The following CCDC150 variants were observed in gnomAD, a reference collection of about 807,000 sequenced individuals.
CCDC150 encodes the protein coiled-coil domain containing 150.
In CCDC150, 151 loss-of-function variants were observed where a neutral mutation model predicts 156.5. That is an observed-to-expected ratio of 0.97 (90% CI 0.85 to 1.10). The LOEUF (loss-of-function observed/expected upper bound fraction) is 1.10, where lower values mean the gene tolerates loss of function less well. Among genes scored for constraint, CCDC150 ranks in the 50% least tolerant of loss-of-function variants. CCDC150 has a pLI of 0.00. For missense variants in CCDC150, 1,312 were observed against 1,268.1 expected, an observed-to-expected ratio of 1.03 and a Z score of -0.53; for synonymous variants, 452 against 429.4, an observed-to-expected ratio of 1.05 and a Z score of -0.65.
chr2:196,707,899 A>G (rs1371002685), intron 15 of CCDC150, among the ~76,000 whole-genome samples: 1 of 152,082 alleles, frequency 6.6e-6, no homozygotes, highest in Admixed American at 6.5e-5. Context: ...GTTCTTTTAC[A>G]TTTGCTGAGG....
chr2:196,698,679 A>G (rs980104828), intron 14 of CCDC150, among the ~76,000 whole-genome samples: 6 of 152,116 alleles, frequency 3.9e-5, no homozygotes, highest in Admixed American at 1.3e-4. Flanking sequence ...TTTGAATCGA[A>G]TTTTAAATAA....
At chr2:196,652,148 A>G (rs1293519791) in intron 2 of CCDC150, among the ~76,000 whole-genome samples, 1 of 152,166 alleles carries the variant, frequency 6.6e-6, no homozygotes, top group African/African-American at 2.4e-5. Context: ...CATCCAAACT[A>G]TATCATTCCA....
At chr2:196,729,004 T>C (rs568430854) in intron 22 of CCDC150, among the ~76,000 whole-genome samples, 189 bp from the exon 23 acceptor site, 1 of 152,340 alleles carries the variant, frequency 6.6e-6, no homozygotes, top group Admixed American at 6.5e-5. Context: ...TTTTGTTCTT[T>C]AGTGATAAAA....
At chr2:196,669,765 C>A in intron 7 of CCDC150, 68 bp from the exon 8 acceptor site, 1 of 1,037,020 alleles carries the variant, frequency 9.6e-7, no homozygotes, top group Non-Finnish European at 1.5e-6. Context: ...ATATTTAAAG[C>A]TTCTCACTAT....
chr2:196,656,503 A>C (rs1031986785), intron 2 of CCDC150, 130 bp from the exon 3 acceptor site: 1 of 654,618 alleles, frequency 1.5e-6, no homozygotes, highest in East Asian at 2.7e-5. Flanking sequence ...GAGAGTCAGA[A>C]GCCTGCCATG....
chr2:196,709,926 C>G (rs1279851993), intron 15 of CCDC150, among the ~76,000 whole-genome samples: 1 of 152,140 alleles, frequency 6.6e-6, no homozygotes, highest in African/African-American at 2.4e-5. Flanking sequence ...GTCAGTTGGC[C>G]CCTACTGGGA....
At chr2:196,711,958 A>T (rs550353204) in intron 15 of CCDC150, among the ~76,000 whole-genome samples, 187 bp from the exon 16 acceptor site, 1 of 150,790 alleles carries the variant, frequency 6.6e-6, no homozygotes, top group African/African-American at 2.4e-5. Context: ...AGTGTATATC[A>T]TTTTTTGCAT....
intron 19 of CCDC150, chr2:196,719,926 T>G: frequency 2.9e-6 from 1 of 350,656 alleles, no homozygotes; most frequent in East Asian, 6.1e-5. Context: ...CTAGCTGTAC[T>G]GTTGTTTTAC....
chr2:196,646,377 T>G lies in CCDC150; in HGVS notation c.49T>G (p.Ser17Ala), dbSNP rs758188490. The change falls in exon 2 of 28, where the codon TCT becomes GCT. Residue 17 changes from serine to alanine, a missense_variant. Physicochemically the swap from Ser to Ala is moderately conservative, Grantham distance 99. Transcript: ENST00000389175. Reference protein sequence around the residue: ...METTVSRPVLSPTHINATASE... With the variant: ...METTVSRPVLAPTHINATASE... The stretch of plus-strand genomic sequence containing the variant: ...AACTACAGTGTCCAGACCGGTCCTT[T>G]CTCCAACCCACATCAACGCTACAGC... 1 of 1,613,884 alleles carries G rather than the reference T, an allele frequency of 6.2e-7. No homozygotes were observed. The highest frequency in any genetic ancestry group is 2.2e-5 in the East Asian group (1 of 44,886).
At chr2:196,697,563 CTAAAATGTATTAT>C (rs1478368458) in intron 14 of CCDC150, among the ~76,000 whole-genome samples, 1 of 152,210 alleles carries the variant, frequency 6.6e-6, no homozygotes, top group African/African-American at 2.4e-5. Context: ...TAAAAATGAA[CTAAAATGTATTAT>C]TTCTTAAAAC....
At chr2:196,651,103 C>CA (rs1376526317) in intron 2 of CCDC150, among the ~76,000 whole-genome samples, 1 of 152,084 alleles carries the variant, frequency 6.6e-6, no homozygotes, top group African/African-American at 2.4e-5. Context: ...CTGAGGATTA[C>CA]AAAAAACACA....
chr2:196,699,001 T>TG (rs886208155), intron 14 of CCDC150, among the ~76,000 whole-genome samples: 27 of 152,356 alleles, frequency 1.8e-4, no homozygotes, highest in African/African-American at 6.0e-4. Flanking sequence ...TAAACTGTAA[T>TG]GTTACATTCA....
At chr2:196,667,042 A>C in intron 7 of CCDC150, 194 bp downstream of exon 7, 1 of 600,488 alleles carries the variant, frequency 1.7e-6, no homozygotes, top group Non-Finnish European at 2.9e-6. Flanking sequence ...AATATATTTG[A>C]CCCTGTTAAT....
chr2:196,728,669 A>G (rs1698351114), intron 22 of CCDC150, among the ~76,000 whole-genome samples: 1 of 152,264 alleles, frequency 6.6e-6, no homozygotes, highest in Non-Finnish European at 1.5e-5. Flanking sequence ...AAACTGCCAT[A>G]TAATTCATTT....
intron 21 of CCDC150, among the ~76,000 whole-genome samples, chr2:196,723,238 C>T (rs1045473870): frequency 2.0e-5 from 3 of 152,204 alleles, no homozygotes; most frequent in Non-Finnish European, 4.4e-5. Context: ...TGCGGTGGCT[C>T]ACACCTGTAA....
chr2:196,655,742 A>G (rs1002821453), intron 2 of CCDC150, among the ~76,000 whole-genome samples: 4 of 151,984 alleles, frequency 2.6e-5, no homozygotes, highest in Admixed American at 1.3e-4. Context: ...TTGTATTCCT[A>G]ATCCTTTCTA....
chr2:196,677,096 C>T (rs760724881), intron 12 of CCDC150, 197 bp from the exon 13 acceptor site: 123 of 697,790 alleles, frequency 1.8e-4, no homozygotes, highest in South Asian at 4.2e-4. Flanking sequence ...GACATGCAGA[C>T]GTGTCTTTCT....
chr2:196,702,509 A>T (rs1313676046), intron 15 of CCDC150, among the ~76,000 whole-genome samples: 2 of 151,938 alleles, frequency 1.3e-5, no homozygotes, highest in Non-Finnish European at 2.9e-5. Context: ...TCAGGTGTGC[A>T]GCACCATACC....
At position 196,712,877 on chromosome 2, in the gene CCDC150, C is replaced by G. The variant is rs546393513; in HGVS notation, c.1866+138C>G. ...AAAAACATTTAGTGAAGAACATACCCCAGGAAGGTGTTACCAGAAGAAAGT... is the reference window on the plus strand; with the variant it reads ...AAAAACATTTAGTGAAGAACATACCGCAGGAAGGTGTTACCAGAAGAAAGT... On this transcript the variant is annotated intron_variant, in intron 17 of 27. Transcript: ENST00000389175. The G allele has an allele frequency of 3.3e-4, 209 of 641,678 alleles. No individual in the cohort carries two copies. The African/African-American group carries it at 3.4e-3, about 10-fold the overall frequency. 39.7% of individuals were successfully genotyped at this position (641,678 alleles called of 1,614,324 possible). A position where few individuals can be genotyped will look rare whatever the true frequency, so the allele number is the denominator to read the frequency against.
Sources: gnomAD v4.1 joint callset for allele counts (sites outside exome capture counted in the v4.1 genomes callset) on GRCh38, gnomAD v4.1.1 for gene constraint, MANE v1.5 for transcripts, NCBI Gene and HGNC (gene_info 2026-07-23, HGNC 2026-07-21) for gene names.